The following TENM4 variants were observed in gnomAD, a reference collection of about 807,000 sequenced individuals.
The protein encoded by TENM4 is teneurin-4.
A neutral mutation model predicts 243.3 loss-of-function variants in TENM4; 82 were observed. The ratio of observed to expected loss-of-function variants is 0.34; its 90% CI spans 0.28 to 0.40. The LOEUF (loss-of-function observed/expected upper bound fraction) is 0.40. TENM4 is among the 10% of genes least tolerant of loss of function. The pLI is 1.00. For missense variants in TENM4, 3,138 were observed against 3,673.3 expected (o/e 0.85, Z 3.77); for synonymous variants, 1,412 against 1,456.3 (o/e 0.97, Z 0.69).
At chr11:78,888,280 C>A (rs908792593) in intron 9 of TENM4, among the ~76,000 whole-genome samples, 1 of 152,224 alleles carries the variant, frequency 6.6e-6, no homozygotes, top group Non-Finnish European at 1.5e-5. Context: ...AATATAGCCC[C>A]AGTATCTTCC....
intron 1 of TENM4, among the ~76,000 whole-genome samples, chr11:79,317,020 T>C (rs563830167): frequency 2.0e-5 from 3 of 152,270 alleles, no homozygotes; most frequent in African/African-American, 7.2e-5. Flanking sequence ...ATTTCATTTA[T>C]ACAACACTGT....
chr11:79,041,944 C>T (rs1859544468), intron 6 of TENM4, among the ~76,000 whole-genome samples: 1 of 152,096 alleles, frequency 6.6e-6, no homozygotes, highest in Admixed American at 6.6e-5. Context: ...CTACAGAAGC[C>T]CAGGGAGCAG....
At chr11:79,168,880 C>T (rs1862978655) in intron 3 of TENM4, among the ~76,000 whole-genome samples, 1 of 152,198 alleles carries the variant, frequency 6.6e-6, no homozygotes, top group African/African-American at 2.4e-5. Flanking sequence ...GAACTTTGCT[C>T]AGCTGCCCAG....
At chr11:78,667,826 G>A (rs897689851) in intron 32 of TENM4, among the ~76,000 whole-genome samples, 7 of 152,214 alleles carry the variant, frequency 4.6e-5, no homozygotes, top group Non-Finnish European at 8.8e-5. Context: ...GGCTTTGCAA[G>A]GTGGGATGTG....
chr11:79,047,403 T>C (rs1859683534), intron 6 of TENM4, among the ~76,000 whole-genome samples: 1 of 152,228 alleles, frequency 6.6e-6, no homozygotes, highest in South Asian at 2.1e-4. Context: ...TTCATATTAA[T>C]TAGCCAGCTG....
rs775855283 is a variant in TENM4, at chr11:78,903,339, G to A, written c.678C>T (p.Ala226=). 2.5e-4 allele frequency: 377 copies of A among 1,478,872 alleles called. No homozygotes were observed. The highest frequency in any genetic ancestry group is 3.0e-4 in the Non-Finnish European group (335 of 1,116,110). 91.6% of individuals were successfully genotyped at this position (1,478,872 alleles called of 1,614,324 possible). The part of the protein sequence containing the change: ...TDHSLSGEPP[A]GGAQEPAHAQ... ...CGTGGGCAGGCTCCTGGGCGCCGCC[G>A]GCAGGGGGCTCTCCGGAGAGCGAGT... is the stretch of plus-strand genomic sequence containing the variant. The change falls in exon 7 of 34, where the codon GCC becomes GCT. Residue 226 remains alanine, a synonymous_variant. Transcript: ENST00000278550.
At chr11:79,109,536 G>T (rs1407636098) in intron 4 of TENM4, among the ~76,000 whole-genome samples, 1 of 152,220 alleles carries the variant, frequency 6.6e-6, no homozygotes, top group Non-Finnish European at 1.5e-5. Context: ...ATGCAGGGGA[G>T]AGGGTTTTGG....
At chr11:79,201,582 C>A (rs1233631370) in intron 3 of TENM4, among the ~76,000 whole-genome samples, 1 of 152,000 alleles carries the variant, frequency 6.6e-6, no homozygotes, top group African/African-American at 2.4e-5. Context: ...AAGTCAGAAG[C>A]TCTGTTAGAT....
chr11:78,667,417 A>G (rs757620116), intron 32 of TENM4, among the ~76,000 whole-genome samples: 23 of 152,120 alleles, frequency 1.5e-4, no homozygotes, highest in Non-Finnish European at 3.2e-4. Flanking sequence ...CATTCATGTG[A>G]GCTGTCATGT....
At chr11:79,025,379 T>C (rs1237846708) in intron 6 of TENM4, among the ~76,000 whole-genome samples, 1 of 152,222 alleles carries the variant, frequency 6.6e-6, no homozygotes, top group Non-Finnish European at 1.5e-5. Context: ...GGTTCTGCGC[T>C]TTTTAATAAT....
intron 1 of TENM4, among the ~76,000 whole-genome samples, chr11:79,313,712 T>C (rs998651466): frequency 1.3e-5 from 2 of 152,300 alleles, no homozygotes; most frequent in African/African-American, 2.4e-5. Flanking sequence ...ATGGCCTCCA[T>C]CTATCATCAC....
intron 2 of TENM4, among the ~76,000 whole-genome samples, chr11:79,273,694 A>C (rs1856006757): frequency 6.6e-6 from 1 of 152,142 alleles, no homozygotes; most frequent in Non-Finnish European, 1.5e-5. Context: ...CACAAAACCC[A>C]GTTTCTAAAG....
intron 1 of TENM4, among the ~76,000 whole-genome samples, chr11:79,386,254 C>T (rs928632991): frequency 1.3e-5 from 2 of 152,092 alleles, no homozygotes; most frequent in Non-Finnish European, 2.9e-5. Context: ...ATACTTCACA[C>T]AAAAATCAAT....
intron 3 of TENM4, among the ~76,000 whole-genome samples, chr11:79,187,303 A>C (rs1863397484): frequency 6.6e-6 from 1 of 152,200 alleles, no homozygotes; most frequent in South Asian, 2.1e-4. Context: ...AATAAAACAC[A>C]GTTTCTTCCT....
chr11:78,801,582 A>T (rs892848230), intron 15 of TENM4, among the ~76,000 whole-genome samples: 4 of 152,214 alleles, frequency 2.6e-5, no homozygotes, highest in Non-Finnish European at 5.9e-5. Context: ...TCACATTTCA[A>T]TACAGGGCTG....
chr11:78,712,466 T>C lies in TENM4; in HGVS notation c.4054+16A>G. The C allele has an allele frequency of 1.2e-6, 2 of 1,607,176 alleles. No individual in the cohort carries two copies. Among genetic ancestry groups the C allele is most frequent in the Non-Finnish European group, 1.7e-6 (2 of 1,174,030 alleles). ...CAATAAATGTTATTGACAATGTCTC[T>C]AAGGCAAGGCCTTACCCCTGGGATT... On this transcript the variant is annotated intron_variant, in intron 26 of 33. Transcript: ENST00000278550.
chr11:79,369,035 T>C lies in TENM4; in HGVS notation c.-321+71474A>G, dbSNP rs7934057. ...TGTACACAAGCCCATTCTTGTCTGC[T>C]TTTATTTCTTTGCAGAATCTCCTCC... On this transcript the variant is annotated intron_variant, in intron 1 of 33. Transcript: ENST00000278550. Among the ~76,000 whole-genome samples the C allele has an allele frequency of 1.8e-3, 279 of 152,358 alleles. 2 individuals are homozygous for C. The highest frequency in any genetic ancestry group is 6.4e-3 in the African/African-American group (267 of 41,572).
intron 12 of TENM4, among the ~76,000 whole-genome samples, chr11:78,835,223 A>G (rs1434250898): frequency 1.3e-5 from 2 of 152,168 alleles, no homozygotes. Context: ...AAAACAGCAC[A>G]CTGGCCGGGC....
chr11:79,423,088 C>A (rs376432399), intron 1 of TENM4, among the ~76,000 whole-genome samples: 2 of 152,084 alleles, frequency 1.3e-5, no homozygotes, highest in African/African-American at 4.8e-5. Flanking sequence ...AAACCCAATC[C>A]CCCAAGGAGT....
Sources: gnomAD v4.1 joint callset for allele counts (sites outside exome capture counted in the v4.1 genomes callset) on GRCh38, gnomAD v4.1.1 for gene constraint, MANE v1.5 for transcripts, NCBI Gene and HGNC (gene_info 2026-07-23, HGNC 2026-07-21) for gene names.